The following MAD1L1 variants were observed in gnomAD, a reference collection of about 807,000 sequenced individuals.
MAD1L1 encodes mitotic arrest deficient 1 like 1, also known as mitotic spindle assembly checkpoint protein MAD1.
Under a neutral mutation model 96.9 loss-of-function variants are expected in MAD1L1, and 95 were observed. The ratio of observed to expected loss-of-function variants is 0.98; its 90% CI spans 0.83 to 1.16. The LOEUF is 1.16. MAD1L1 is among the 50% of genes most tolerant of loss of function. MAD1L1 has a pLI of 0.00. For synonymous variants in MAD1L1, 473 were observed against 396.6 expected (o/e 1.19, Z -2.29); for missense variants, 1,007 against 954.4 (o/e 1.06, Z -0.73).
In MAD1L1 at chr7:1,815,984, G is replaced by A. The variant is rs1219240888; in HGVS notation, c.*86C>T. 31 of 1,437,186 alleles carry A rather than the reference G, an allele frequency of 2.2e-5. No homozygotes were observed. The highest frequency in any genetic ancestry group is 7.0e-5 in the African/African-American group (5 of 71,096). The allele number at this position is 1,437,186 out of a possible 1,614,324, so 89.0% of individuals were successfully genotyped here. A position where few individuals can be genotyped will look rare whatever the true frequency, so the allele number is the denominator to read the frequency against. ...CCCTGTGGGGCTGGAGAGGCAGGACGTGCACCCAGCCTGTGGCTGGCGGGG... is the reference window on the plus strand; with the variant it reads ...CCCTGTGGGGCTGGAGAGGCAGGACATGCACCCAGCCTGTGGCTGGCGGGG... On this transcript the variant is annotated 3_prime_UTR_variant, in exon 19 of 19. Transcript: ENST00000265854.
intron 12 of MAD1L1, among the ~76,000 whole-genome samples, chr7:2,067,802 C>T (rs930835773): frequency 6.6e-6 from 1 of 152,274 alleles, no homozygotes; most frequent in Non-Finnish European, 1.5e-5. Flanking sequence ...CACAGGAATG[C>T]CACCTCCTGA....
At chr7:1,825,190 C>T (rs1441971278) in intron 18 of MAD1L1, among the ~76,000 whole-genome samples, 4 of 152,218 alleles carry the variant, frequency 2.6e-5, no homozygotes, top group Non-Finnish European at 5.9e-5. Context: ...TTCCCCACTG[C>T]GGACACATGC....
At chr7:1,939,636 G>T (rs1778846054) in intron 16 of MAD1L1, among the ~76,000 whole-genome samples, 1 of 152,206 alleles carries the variant, frequency 6.6e-6, no homozygotes, top group Non-Finnish European at 1.5e-5. Context: ...CCACCCTTGG[G>T]GCTTCTGCCC....
At chr7:2,191,962 C>A (rs1474801285) in intron 10 of MAD1L1, among the ~76,000 whole-genome samples, 1 of 151,666 alleles carries the variant, frequency 6.6e-6, no homozygotes, top group Admixed American at 6.6e-5. Flanking sequence ...ACCCGGCTGG[C>A]AGAGGTTGCA....
intron 18 of MAD1L1, among the ~76,000 whole-genome samples, chr7:1,865,001 G>A (rs999414055): frequency 1.3e-5 from 2 of 152,166 alleles, no homozygotes; most frequent in Admixed American, 6.5e-5. Context: ...GAAGCACTGA[G>A]ACACCTACCA....
intron 13 of MAD1L1, among the ~76,000 whole-genome samples, chr7:2,007,863 G>A (rs1414337487): frequency 1.3e-5 from 2 of 152,224 alleles, no homozygotes; most frequent in Admixed American, 1.3e-4. Flanking sequence ...CATTTTGGTA[G>A]AGTCTCAGGA....
chr7:1,902,691 C>T (rs1169229532), intron 17 of MAD1L1, among the ~76,000 whole-genome samples: 1 of 152,196 alleles, frequency 6.6e-6, no homozygotes, highest in East Asian at 1.9e-4. Context: ...CCGTCTCAGG[C>T]TCCAGCCTCG....
chr7:2,131,912 C>A (rs1395387261), intron 11 of MAD1L1, among the ~76,000 whole-genome samples: 4 of 152,220 alleles, frequency 2.6e-5, no homozygotes, highest in Non-Finnish European at 4.4e-5. Flanking sequence ...AAGGGCCTGA[C>A]CATGCACACG....
At chr7:1,917,437 CCA>C (rs1788480207) in intron 17 of MAD1L1, among the ~76,000 whole-genome samples, 1 of 152,232 alleles carries the variant, frequency 6.6e-6, no homozygotes, top group African/African-American at 2.4e-5. Flanking sequence ...CACCTCCCCT[CCA>C]GACAGCCAGA....
At chr7:1,876,579 A>C (rs1468225414) in intron 18 of MAD1L1, among the ~76,000 whole-genome samples, 1 of 152,044 alleles carries the variant, frequency 6.6e-6, no homozygotes, top group Non-Finnish European at 1.5e-5. Flanking sequence ...AGAGGGTGGG[A>C]TGGGCTCACA....
intron 18 of MAD1L1, among the ~76,000 whole-genome samples, chr7:1,895,164 G>A (rs1786788136): frequency 6.6e-6 from 1 of 152,196 alleles, no homozygotes; most frequent in Non-Finnish European, 1.5e-5. Flanking sequence ...TGATGCTGGG[G>A]TTCCAGGGAA....
At chr7:1,932,387 T>C (rs1358557112) in intron 17 of MAD1L1, among the ~76,000 whole-genome samples, 1 of 152,228 alleles carries the variant, frequency 6.6e-6, no homozygotes, top group Non-Finnish European at 1.5e-5. Flanking sequence ...TCCCTCATCC[T>C]TTGGGAGTGC....
intron 15 of MAD1L1, among the ~76,000 whole-genome samples, chr7:1,960,829 A>T (rs1312250437): frequency 6.6e-6 from 1 of 152,234 alleles, no homozygotes; most frequent in Non-Finnish European, 1.5e-5. Context: ...TCTTAAGAGC[A>T]GGAGACCCAG....
At chr7:1,990,046 C>A (rs1457941013) in intron 14 of MAD1L1, among the ~76,000 whole-genome samples, 2 of 152,224 alleles carry the variant, frequency 1.3e-5, no homozygotes, top group African/African-American at 4.8e-5. Context: ...GGGTAACTCC[C>A]CCCACCGCAA....
chr7:2,063,428 G>C (rs775124172), intron 12 of MAD1L1, among the ~76,000 whole-genome samples: 3 of 152,238 alleles, frequency 2.0e-5, no homozygotes, highest in Non-Finnish European at 4.4e-5. Flanking sequence ...TCAGCTGGAG[G>C]AACAGCGGCC....
chr7:2,196,795 GC>G (rs1303636989), intron 10 of MAD1L1, among the ~76,000 whole-genome samples: 4 of 152,176 alleles, frequency 2.6e-5, no homozygotes, highest in Non-Finnish European at 5.9e-5. Flanking sequence ...CAGGAACAGT[GC>G]GGCTCAATTC....
At chr7:1,876,072 C>T (rs945191036) in intron 18 of MAD1L1, among the ~76,000 whole-genome samples, 2 of 152,222 alleles carry the variant, frequency 1.3e-5, no homozygotes, top group Admixed American at 6.5e-5. Flanking sequence ...CTCAGCCCCC[C>T]GCCGTGGGGC....
At chr7:1,842,009 T>C (rs1315185127) in intron 18 of MAD1L1, among the ~76,000 whole-genome samples, 2 of 152,202 alleles carry the variant, frequency 1.3e-5, no homozygotes, top group Non-Finnish European at 2.9e-5. Flanking sequence ...TGGACGCCAC[T>C]TACCCTCCGG....
At chr7:1,823,974 G>A (rs1235970049) in intron 18 of MAD1L1, among the ~76,000 whole-genome samples, 1 of 152,214 alleles carries the variant, frequency 6.6e-6, no homozygotes, top group African/African-American at 2.4e-5. Context: ...GAGCCCTCGG[G>A]GGAAGTTATG....
Sources: allele counts gnomAD v4.1 joint callset (sites outside exome capture counted in the v4.1 genomes callset), GRCh38; gene constraint gnomAD v4.1.1; transcripts MANE v1.5; gene names NCBI Gene and HGNC (gene_info 2026-07-23, HGNC 2026-07-21).